The following SOD2 variants were observed in gnomAD, a reference collection of about 807,000 sequenced individuals.
SOD2 encodes superoxide dismutase [Mn], mitochondrial.
In SOD2, 11 loss-of-function variants were observed where a neutral mutation model predicts 27.0. The observed-to-expected ratio is 0.41, with a 90% confidence interval of 0.26 to 0.67. SOD2 has a LOEUF of 0.67. Ranked by LOEUF, SOD2 falls within the 30% of genes least tolerant of loss-of-function variation. SOD2 has a pLI of 0.34. For missense variants in SOD2, 250 were observed against 274.5 expected, an observed-to-expected ratio of 0.91 and a Z score of 0.63; for synonymous variants, 105 against 103.0, an observed-to-expected ratio of 1.02 and a Z score of -0.12.
intron 1 of SOD2, among the ~76,000 whole-genome samples, chr6:159,732,886 A>ATAGTGTGTGTGTGTGTGTGT (rs146623701): frequency 1.0e-4 from 15 of 146,380 alleles, no homozygotes; most frequent in African/African-American, 3.9e-4. Flanking sequence ...ATATATATAT[A>ATAGTGTGTGTGTGTGTGTGT]GTGTGTGTGT....
upstream of SOD2, chr6:159,727,373 C>CTGGCAGGAGGCGGG: frequency 1.6e-6 from 1 of 623,036 alleles, no homozygotes; most frequent in Non-Finnish European, 2.1e-6. Context: ...AGCGGGGAGG[C>CTGGCAGGAGGCGGG]TGGCGGGAGG....
chr6:159,762,059 G>T (rs1257285043), exon 1 of SOD2: 1 of 1,611,536 alleles, frequency 6.2e-7, no homozygotes, highest in East Asian at 2.2e-5. Flanking sequence ...TGCAGGCAGC[G>T]CAGGGCAGAC....
chr6:159,707,092 C>G (rs1281115115), intron 1 of SOD2, among the ~76,000 whole-genome samples: 1 of 151,882 alleles, frequency 6.6e-6, no homozygotes, highest in Non-Finnish European at 1.5e-5. Context: ...CACAACATAC[C>G]AGAATCTCTG....
intron 1 of SOD2, chr6:159,760,332 T>G (rs946637810): frequency 1.1e-4 from 16 of 151,630 alleles, no homozygotes; most frequent in African/African-American, 3.9e-4. Context: ...TGCAGTGGTG[T>G]GATCTCGGCT....
At chr6:159,755,545 T>G (rs1779970908) in intron 1 of SOD2, 9 of 1,614,154 alleles carry the variant, frequency 5.6e-6, no homozygotes, top group Non-Finnish European at 7.6e-6. Context: ...GTAATCGAAC[T>G]GTGGGTTCCC....
chr6:159,728,369 A>T (rs1435800542), upstream of SOD2, among the ~76,000 whole-genome samples: 1 of 152,160 alleles, frequency 6.6e-6, no homozygotes, highest in Non-Finnish European at 1.5e-5. Context: ...ATCCCAAAGG[A>T]TTAGCTTAAC....
upstream of SOD2, among the ~76,000 whole-genome samples, chr6:159,695,372 T>C (rs900365696): frequency 6.6e-6 from 1 of 152,136 alleles, no homozygotes; most frequent in Non-Finnish European, 1.5e-5. Flanking sequence ...ATAGCAGCAG[T>C]CAGGTAGAAG....
intron 1 of SOD2, among the ~76,000 whole-genome samples, chr6:159,717,450 G>A (rs1318425751): frequency 6.6e-6 from 1 of 152,072 alleles, no homozygotes; most frequent in African/African-American, 2.4e-5. Context: ...CATAATAACT[G>A]TACATATTCT....
chr6:159,744,487 T>G (rs1477289723), intron 1 of SOD2, among the ~76,000 whole-genome samples: 1 of 151,818 alleles, frequency 6.6e-6, no homozygotes, highest in Non-Finnish European at 1.5e-5. Context: ...TAAGATAGTA[T>G]TCTGGTCATT....
chr6:159,716,705 T>C (rs1342114197), intron 1 of SOD2, among the ~76,000 whole-genome samples: 1 of 152,154 alleles, frequency 6.6e-6, no homozygotes, highest in Non-Finnish European at 1.5e-5. Flanking sequence ...AGCTGTCACA[T>C]ATACAGAGAG....
chr6:159,747,667 G>A (rs1779654225), upstream of SOD2, among the ~76,000 whole-genome samples: 1 of 152,044 alleles, frequency 6.6e-6, no homozygotes, highest in Non-Finnish European at 1.5e-5. Flanking sequence ...AATTTCCACA[G>A]GTAAAAAATT....
At position 159,753,954 on chromosome 6, in the gene SOD2, G is replaced by A. The variant is rs78797409; in HGVS notation, c.-335-5278C>T. 5.3e-3 allele frequency among the ~76,000 whole-genome samples: 812 copies of A among 152,276 alleles called. 5 individuals are homozygous for A. Among genetic ancestry groups the A allele is most frequent in the African/African-American group, 0.018 (751 of 41,556 alleles). On this transcript the variant is annotated intron_variant, in intron 1 of 7. Transcript: ENST00000546087. ...TTGAAAGGGAGAATAAGCATTTCTC[G>A]TTAAGTGTAAATCTTAGAAACATGG...
In SOD2 at chr6:159,711,928, C is replaced by G. The variant is rs1275698731; in HGVS notation, c.-116+15201G>C. 7.0e-5 allele frequency among the ~76,000 whole-genome samples: 9 copies of G among 128,202 alleles called. 1 individual carries two copies. The highest frequency in any genetic ancestry group is 6.1e-4 in the Admixed American group (8 of 13,048). 84.1% of individuals were successfully genotyped at this position (128,202 alleles called of 152,430 possible). ...TTGCTCTGATCACCATAACCACCTC[C>G]ACAACCACCACTCACATTGCTCTGA... On this transcript the variant is annotated intron_variant, in intron 1 of 2. Transcript: ENST00000401980.
chr6:159,676,429 G>A lies in SOD2; in HGVS notation c.*6064C>T. The A allele has an allele frequency of 6.6e-6, 1 of 152,158 alleles. No individual in the cohort carries two copies. The highest frequency in any genetic ancestry group is 1.5e-5 in the Non-Finnish European group (1 of 68,028). 9.4% of individuals were successfully genotyped at this position (152,158 alleles called of 1,614,324 possible). On this transcript the variant is annotated 3_prime_UTR_variant, in exon 5 of 5. Transcript: ENST00000538183. ...ATACTATGCAGCCATAAAAAAGGAAGAGTTCATGTCCTTTATAGGGACATG... is the reference window on the plus strand; with the variant it reads ...ATACTATGCAGCCATAAAAAAGGAAAAGTTCATGTCCTTTATAGGGACATG...
chr6:159,720,489 G>A (rs1245399652), intron 1 of SOD2: 5 of 153,018 alleles, frequency 3.3e-5, no homozygotes, highest in African/African-American at 1.2e-4. Flanking sequence ...TAGCAGTACT[G>A]CCCTCACTAG....
upstream of SOD2, among the ~76,000 whole-genome samples, chr6:159,730,185 ACAGT>A (rs2114866934): frequency 6.6e-6 from 1 of 152,328 alleles, no homozygotes; most frequent in East Asian, 1.9e-4. Context: ...CTAATGACTA[ACAGT>A]CATTTTCATC....
chr6:159,761,682 C>G (rs769720997), exon 1 of SOD2: 8 of 402,452 alleles, frequency 2.0e-5, no homozygotes, highest in South Asian at 1.0e-4. Context: ...TTTACTGTTT[C>G]GAGAAACCCT....
chr6:159,731,207 G>C (rs138899541), upstream of SOD2, among the ~76,000 whole-genome samples: 80 of 151,826 alleles, frequency 5.3e-4, 1 homozygote, highest in East Asian at 0.014. Flanking sequence ...CACAACTGTA[G>C]TCCCAGCACT....
At chr6:159,755,763 T>TAA in intron 1 of SOD2, 3 of 800,576 alleles carry the variant, frequency 3.7e-6, no homozygotes, top group Non-Finnish European at 4.8e-6. Flanking sequence ...TTTTTTTCTT[T>TAA]TCTTTTTTTT....
Sources: allele counts gnomAD v4.1 joint callset (sites outside exome capture counted in the v4.1 genomes callset), GRCh38; gene constraint gnomAD v4.1.1; transcripts MANE v1.5; gene names NCBI Gene and HGNC (gene_info 2026-07-23, HGNC 2026-07-21).